Variants in TSHZ2 observed in about 807,000 individuals in gnomAD.
The protein encoded by TSHZ2 is teashirt zinc finger homeobox 2, also known as teashirt homolog 2.
TSHZ2 carries 21 observed loss-of-function variants against 74.4 expected under a neutral mutation model. The ratio of observed to expected loss-of-function variants is 0.28; its 90% confidence interval spans 0.20 to 0.41. The LOEUF is 0.41. Ranked by LOEUF, TSHZ2 falls within the 10% of genes least tolerant of loss-of-function variation. The pLI, the probability that TSHZ2 is intolerant of heterozygous loss-of-function variation, is 1.00. For missense variants in TSHZ2, 1,244 were observed against 1,293.5 expected (o/e 0.96, Z 0.59); for synonymous variants, 540 against 515.3 (o/e 1.05, Z -0.65).
At chr20:53,464,365 G>A (rs1047760018) in intron 2 of TSHZ2, among the ~76,000 whole-genome samples, 6 of 152,208 alleles carry the variant, frequency 3.9e-5, no homozygotes, top group Admixed American at 3.9e-4. Context: ...TTTAAACCAG[G>A]GGATGAATGT....
chr20:53,317,526 A>G (rs542764601), intron 2 of TSHZ2, among the ~76,000 whole-genome samples: 1 of 152,286 alleles, frequency 6.6e-6, no homozygotes, highest in African/African-American at 2.4e-5. Context: ...CCCCAGAAGC[A>G]AGTTTGAACT....
intron 1 of TSHZ2, among the ~76,000 whole-genome samples, chr20:53,085,099 G>T (rs530083102): frequency 6.6e-6 from 1 of 151,908 alleles, no homozygotes; most frequent in Non-Finnish European, 1.5e-5. Flanking sequence ...GGTGGCTCAC[G>T]ACTGTAATCC....
intron 1 of TSHZ2, among the ~76,000 whole-genome samples, chr20:53,040,862 C>T (rs1984015540): frequency 6.6e-6 from 1 of 152,150 alleles, no homozygotes; most frequent in South Asian, 2.1e-4. Context: ...AGTTTGACAC[C>T]CCACAGCCTG....
chr20:53,058,590 A>T (rs1984720144), intron 1 of TSHZ2, among the ~76,000 whole-genome samples: 1 of 152,252 alleles, frequency 6.6e-6, no homozygotes. Context: ...TTGTTCTAAA[A>T]GTGGGGCCAG....
At chr20:53,461,017 A>G (rs1352976393) in intron 2 of TSHZ2, among the ~76,000 whole-genome samples, 1 of 152,192 alleles carries the variant, frequency 6.6e-6, no homozygotes, top group East Asian at 1.9e-4. Flanking sequence ...CTGCCCCCAG[A>G]GGTGGAGCCT....
intron 1 of TSHZ2, among the ~76,000 whole-genome samples, chr20:53,174,162 A>C (rs1988268845): frequency 6.6e-6 from 1 of 152,194 alleles, no homozygotes; most frequent in Non-Finnish European, 1.5e-5. Flanking sequence ...AGAGATGTCA[A>C]ATGGGCTAGA....
At chr20:53,130,671 C>A (rs892443003) in intron 1 of TSHZ2, among the ~76,000 whole-genome samples, 1 of 152,090 alleles carries the variant, frequency 6.6e-6, no homozygotes, top group Non-Finnish European at 1.5e-5. Context: ...ACAGGGTCGA[C>A]TGATTTCAGA....
At chr20:53,265,460 A>G (rs577108224) in intron 2 of TSHZ2, among the ~76,000 whole-genome samples, 46 of 152,138 alleles carry the variant, frequency 3.0e-4, no homozygotes, top group Non-Finnish European at 5.6e-4. Context: ...GTTGGCTGCC[A>G]GGTACAACAC....
At chr20:53,203,009 G>A (rs1022312886) in intron 1 of TSHZ2, among the ~76,000 whole-genome samples, 1 of 152,058 alleles carries the variant, frequency 6.6e-6, no homozygotes, top group Admixed American at 6.6e-5. Flanking sequence ...GACACAATAT[G>A]AGCTGTTTAG....
intron 1 of TSHZ2, among the ~76,000 whole-genome samples, chr20:53,156,716 G>C (rs1203904459): frequency 6.6e-6 from 1 of 152,180 alleles, no homozygotes; most frequent in Non-Finnish European, 1.5e-5. Flanking sequence ...TACATTTCAG[G>C]ATGAAAGACC....
intron 1 of TSHZ2, among the ~76,000 whole-genome samples, chr20:52,979,022 T>C (rs919566030): frequency 1.4e-4 from 21 of 152,170 alleles, no homozygotes; most frequent in African/African-American, 5.1e-4. Context: ...TAGGGTGATC[T>C]TTGGCAAGCA....
chr20:53,362,115 C>T (rs531239230), intron 2 of TSHZ2, among the ~76,000 whole-genome samples: 16 of 152,198 alleles, frequency 1.1e-4, no homozygotes, highest in Middle Eastern at 3.4e-3. Context: ...CCACCACCCG[C>T]CTGGGCCTCC....
chr20:53,040,188 C>T (rs965688393), intron 1 of TSHZ2, among the ~76,000 whole-genome samples: 3 of 152,160 alleles, frequency 2.0e-5, no homozygotes, highest in African/African-American at 4.8e-5. Context: ...AGCCCAGAGA[C>T]GAGGCCTGTC....
chr20:53,136,319 A>G (rs1349193300), intron 1 of TSHZ2, among the ~76,000 whole-genome samples: 3 of 152,244 alleles, frequency 2.0e-5, no homozygotes, highest in Non-Finnish European at 2.9e-5. Flanking sequence ...TAGCAAGTAG[A>G]GAGCGTATAT....
Position 53,316,996 on chromosome 20 carries a change from C to T in TSHZ2, c.*8+60425C>T, listed in dbSNP as rs377276654. ...CAGTGTTTTGGCTTAATGCTGGCTTCAAGTAGTTCTTTTCAAGAAGCAAAT... is the reference window on the plus strand; with the variant it reads ...CAGTGTTTTGGCTTAATGCTGGCTTTAAGTAGTTCTTTTCAAGAAGCAAAT... On this transcript the variant is annotated intron_variant, in intron 2 of 2. Coordinates refer to ENST00000371497, the MANE Select transcript of TSHZ2 (RefSeq NM_173485.6). Among the ~76,000 whole-genome samples the T allele has an allele frequency of 3.6e-4, 55 of 152,258 alleles. No individual in the cohort carries two copies. The South Asian group carries it at 0.011, about 29-fold the overall frequency.
intron 2 of TSHZ2, among the ~76,000 whole-genome samples, chr20:53,346,175 A>C (rs1980430412): frequency 6.6e-6 from 1 of 152,176 alleles, no homozygotes; most frequent in Non-Finnish European, 1.5e-5. Flanking sequence ...ATGCATAATT[A>C]ACATATTCTA....
intron 1 of TSHZ2, among the ~76,000 whole-genome samples, chr20:52,985,554 G>A (rs1981724304): frequency 6.6e-6 from 1 of 152,164 alleles, no homozygotes; most frequent in South Asian, 2.1e-4. Context: ...ACTTCAAATG[G>A]TGCTTTGCAT....
intron 2 of TSHZ2, among the ~76,000 whole-genome samples, chr20:53,410,685 T>A (rs1983025366): frequency 1.3e-5 from 2 of 150,434 alleles, no homozygotes; most frequent in African/African-American, 4.9e-5. Context: ...GCACCTTTTT[T>A]TTTTTTTTGG....
intron 1 of TSHZ2, among the ~76,000 whole-genome samples, chr20:53,143,553 A>G (rs1437264220): frequency 6.6e-6 from 1 of 152,036 alleles, no homozygotes; most frequent in Non-Finnish European, 1.5e-5. Context: ...TTAGCCGGGC[A>G]TGGTGGCGGG....
Sources: gnomAD v4.1 joint callset for allele counts (sites outside exome capture counted in the v4.1 genomes callset) on GRCh38, gnomAD v4.1.1 for gene constraint, MANE v1.5 for transcripts, NCBI Gene and HGNC (gene_info 2026-07-23, HGNC 2026-07-21) for gene names.